The following COL6A6 variants were observed in gnomAD, a reference collection of about 807,000 sequenced individuals.
COL6A6 encodes the protein collagen alpha-6(VI) chain.
A neutral mutation model predicts 208.6 loss-of-function variants in COL6A6; 183 were observed. The ratio of observed to expected loss-of-function variants is 0.88; its 90% CI spans 0.78 to 0.99. The LOEUF is 0.99. COL6A6 is among the 50% of genes least tolerant of loss of function. The pLI, the probability that COL6A6 is intolerant of heterozygous loss-of-function variation, is 0.00. For synonymous variants in COL6A6, 973 were observed against 1,011.8 expected (o/e 0.96, Z 0.73); for missense variants, 2,816 against 2,815.2 (o/e 1.00, Z -0.01).
chr3:130,635,674 A>T, intron 27 of COL6A6, 25 bp from the exon 28 acceptor site: 1 of 1,500,136 alleles, frequency 6.7e-7, no homozygotes, highest in Non-Finnish European at 9.2e-7. Flanking sequence ...TTTAATAACT[A>T]TTTTACTTTA....
At chr3:130,520,949 T>C (rs1711034978) in intron 1 of COL6A6, among the ~76,000 whole-genome samples, 1 of 152,168 alleles carries the variant, frequency 6.6e-6, no homozygotes, top group Non-Finnish European at 1.5e-5. Context: ...TGAGAAAATT[T>C]TTCCCCAAAT....
intron 22 of COL6A6, among the ~76,000 whole-genome samples, chr3:130,609,636 A>T (rs887121180): frequency 1.3e-5 from 2 of 152,214 alleles, no homozygotes; most frequent in Admixed American, 1.3e-4. Context: ...ACCACAAAAA[A>T]GTTAGAACTT....
chr3:130,543,838 C>G (rs1027816821), intron 1 of COL6A6, among the ~76,000 whole-genome samples: 1 of 151,946 alleles, frequency 6.6e-6, no homozygotes, highest in East Asian at 1.9e-4. Flanking sequence ...AATTTTTCTT[C>G]TAAGTTTATT....
intron 1 of COL6A6, among the ~76,000 whole-genome samples, chr3:130,523,700 G>A (rs1711217215): frequency 6.6e-6 from 1 of 152,210 alleles, no homozygotes; most frequent in Admixed American, 6.5e-5. Context: ...CCTGGAAGGT[G>A]TAAGTTAAAG....
At chr3:130,570,675 C>A in intron 6 of COL6A6, 143 bp from the exon 7 acceptor site, 2 of 634,608 alleles carry the variant, frequency 3.2e-6, no homozygotes, top group Non-Finnish European at 5.5e-6. Context: ...TGTGTATTGT[C>A]CTCTTATCCA....
At chr3:130,627,114 A>C (rs555094089) in intron 25 of COL6A6, among the ~76,000 whole-genome samples, 1 of 152,298 alleles carries the variant, frequency 6.6e-6, no homozygotes, top group South Asian at 2.1e-4. Flanking sequence ...GGGAATACCT[A>C]GGGACAGTGC....
chr3:130,525,587 C>T (rs1297314409), intron 1 of COL6A6, among the ~76,000 whole-genome samples: 1 of 152,142 alleles, frequency 6.6e-6, no homozygotes, highest in Non-Finnish European at 1.5e-5. Flanking sequence ...CCTCTATGCT[C>T]TCCCACAATT....
At chr3:130,561,843 G>A (rs1275438538) in intron 2 of COL6A6, among the ~76,000 whole-genome samples, 1 of 151,084 alleles carries the variant, frequency 6.6e-6, no homozygotes. Context: ...TAGTAGAGAC[G>A]GGGTTTCACC....
intron 1 of COL6A6, among the ~76,000 whole-genome samples, chr3:130,549,333 T>G (rs1190694427): frequency 2.0e-5 from 3 of 152,158 alleles, no homozygotes; most frequent in Non-Finnish European, 4.4e-5. Context: ...CTTTTAAAAA[T>G]TTCTTATAGA....
Position 130,635,708 on chromosome 3 carries a change from G to A in COL6A6, c.5038G>A (p.Gly1680Arg). ...TAATAAATGTATTTAGGGTGAGATT[G>A]GGGACCCTGGTGGTCCAGGAGAGAC... Reference protein sequence around the residue: ...PGESGPKGEIGDPGGPGETGL... With the variant: ...PGESGPKGEIRDPGGPGETGL... Residue 1680 changes from glycine (G) to arginine (R), a missense_variant, in exon 28 of 37, where the codon GGG becomes AGG. Physicochemically the swap from Gly to Arg is moderately radical, Grantham distance 125. Transcript: ENST00000358511. 1 of 1,608,310 alleles carries A rather than the reference G, an allele frequency of 6.2e-7. No homozygotes were observed. Among genetic ancestry groups the A allele is most frequent in the Non-Finnish European group, 8.5e-7 (1 of 1,175,146 alleles).
chr3:130,566,667 C>G (rs563018482), intron 4 of COL6A6, 35 bp from the exon 5 acceptor site: 2 of 1,523,698 alleles, frequency 1.3e-6, no homozygotes, highest in Admixed American at 2.1e-5. Flanking sequence ...CATGCTTGCT[C>G]AAATGCCACA....
chr3:130,594,497 T>C, intron 18 of COL6A6, 154 bp downstream of exon 18: 1 of 618,906 alleles, frequency 1.6e-6, no homozygotes, highest in Non-Finnish European at 2.9e-6. Context: ...CTGTGCTAGA[T>C]CCTCTTCATA....
chr3:130,622,726 G>A (rs1394729533), intron 24 of COL6A6, among the ~76,000 whole-genome samples: 5 of 151,986 alleles, frequency 3.3e-5, no homozygotes, highest in African/African-American at 9.6e-5. Context: ...GCGAGGTGGC[G>A]GGCACCTGTA....
At chr3:130,664,529 T>C (rs72996285) in intron 35 of COL6A6, among the ~76,000 whole-genome samples, 4,157 of 152,316 alleles carry the variant, frequency 0.027, 199 homozygotes, top group African/African-American at 0.093. Flanking sequence ...TATGAAAAAT[T>C]AATACACTTC....
chr3:130,611,517 A>C (rs541923092), intron 23 of COL6A6, among the ~76,000 whole-genome samples: 1 of 152,228 alleles, frequency 6.6e-6, no homozygotes, highest in African/African-American at 2.4e-5. Context: ...GTCTTATTAC[A>C]CTCTATCCCT....
Position 130,635,839 on chromosome 3 carries a change from G to A in COL6A6, c.5091+78G>A, listed in dbSNP as rs113898189. Reference sequence around the variant, plus strand: ...CCTTTGTGCATTTACAATAATTTGAGTTGTCTTTTGTTACCAGTGACTTGC... The same window carrying A: ...CCTTTGTGCATTTACAATAATTTGAATTGTCTTTTGTTACCAGTGACTTGC... On this transcript the variant is annotated intron_variant, in intron 28 of 36. Coordinates refer to ENST00000358511, the MANE Select transcript of COL6A6 (RefSeq NM_001102608.3). 6.6e-3 allele frequency: 7,103 copies of A among 1,072,278 alleles called. 30 individuals are homozygous for A. The highest frequency in any genetic ancestry group is 0.014 in the South Asian group (963 of 69,678). 66.4% of individuals were successfully genotyped at this position (1,072,278 alleles called of 1,614,324 possible). A position where few individuals can be genotyped will look rare whatever the true frequency, so the allele number is the denominator to read the frequency against.
At chr3:130,617,765 A>C (rs1452661082) in intron 23 of COL6A6, among the ~76,000 whole-genome samples, 1 of 152,150 alleles carries the variant, frequency 6.6e-6, no homozygotes, top group Non-Finnish European at 1.5e-5. Context: ...CCCCACACAA[A>C]TAAAAACAAG....
Position 130,571,218 on chromosome 3 carries a change from G to T in COL6A6, c.2802G>T (p.Lys934Asn). 6.2e-7 allele frequency: 1 copy of T among 1,613,956 alleles called. No homozygotes were observed. ...CTGATAAACTCAATGCCACGGCAAA[G>T]GCCTTGCGGGACAAAGGCATTCTTG... is the stretch of plus-strand genomic sequence containing the variant. The part of the protein sequence containing the change: ...HDADKLNATA[K>N]ALRDKGILVL... Residue 934 changes from lysine (K) to asparagine (N), a missense_variant, in exon 7 of 37, where the codon AAG (lysine) becomes AAT (asparagine). Transcript: ENST00000358511.
At chr3:130,553,161 C>G (rs1368826866) in intron 1 of COL6A6, among the ~76,000 whole-genome samples, 1 of 152,090 alleles carries the variant, frequency 6.6e-6, no homozygotes, top group Non-Finnish European at 1.5e-5. Flanking sequence ...CCCAGGGGTT[C>G]TCTACGTTTC....
Sources: gnomAD v4.1 joint callset for allele counts (sites outside exome capture counted in the v4.1 genomes callset) on GRCh38, gnomAD v4.1.1 for gene constraint, MANE v1.5 for transcripts, NCBI Gene and HGNC (gene_info 2026-07-23, HGNC 2026-07-21) for gene names.